LFNG: variants seen among roughly 807,000 people sequenced by gnomAD.
The protein encoded by LFNG is beta-1,3-N-acetylglucosaminyltransferase lunatic fringe.
A neutral mutation model predicts 32.7 loss-of-function variants in LFNG; 15 were observed. The observed-to-expected ratio is 0.46, with a 90% CI of 0.31 to 0.71. LFNG has a LOEUF of 0.71. Ranked by LOEUF, LFNG falls within the 30% of genes least tolerant of loss-of-function variation. The pLI is 0.06. For missense variants in LFNG, 520 were observed against 545.7 expected (o/e 0.95, Z 0.47); for synonymous variants, 274 against 246.8 (o/e 1.11, Z -1.03).
chr7:2,524,663 CT>C (rs1779896323), intron 1 of LFNG, 31 bp from the exon 2 acceptor site: 2 of 1,565,016 alleles, frequency 1.3e-6, no homozygotes, highest in African/African-American at 2.7e-5. Context: ...GGATGAAGGG[CT>C]GCCTGCTGAA....
chr7:2,527,312 G>C lies in LFNG; in HGVS notation c.*100G>C, dbSNP rs548750010. On this transcript the variant is annotated 3_prime_UTR_variant, in exon 8 of 8. Coordinates refer to ENST00000222725, the MANE Select transcript of LFNG (RefSeq NM_001040167.2). This position sits in a 1 kb window ranked among gnomAD's most constrained non-coding sequence, Gnocchi z 4.4. ...GCCTCGGCATTCGAGGCTCCCCTAGGGCCGTGCCTGTGCGTGTGCGTGTGC... is the reference window on the plus strand; with the variant it reads ...GCCTCGGCATTCGAGGCTCCCCTAGCGCCGTGCCTGTGCGTGTGCGTGTGC... 1.3e-6 allele frequency: 2 copies of C among 1,551,966 alleles called. No individual in the cohort carries two copies. Among genetic ancestry groups the C allele is most frequent in the African/African-American group, 1.4e-5 (1 of 72,104 alleles).
chr7:2,515,586 T>A (rs1779610261), upstream of LFNG, among the ~76,000 whole-genome samples: 1 of 152,222 alleles, frequency 6.6e-6, no homozygotes, highest in Non-Finnish European at 1.5e-5. Context: ...TGTCCATGCC[T>A]GACCCCAGAG....
Position 2,528,253 on chromosome 7 carries a change from C to T in LFNG, c.*1041C>T, listed in dbSNP as rs1367747964. The T allele has an allele frequency of 2.0e-6, 2 of 986,076 alleles. No individual in the cohort carries two copies. Among genetic ancestry groups the T allele is most frequent in the Non-Finnish European group, 2.4e-6 (2 of 830,040 alleles). 61.1% of individuals were successfully genotyped at this position (986,076 alleles called of 1,614,324 possible). On this transcript the variant is annotated 3_prime_UTR_variant, in exon 8 of 8. Transcript: ENST00000222725. ...CTGCCCTCCTCCTGTGTAGCTGCCA[C>T]CTCCCCGCTGGGCCCAGCATGGCTC... is the stretch of plus-strand genomic sequence containing the variant.
At chr7:2,513,071 T>A (rs182403359), upstream of LFNG, 102 of 1,329,148 alleles carry the variant, frequency 7.7e-5, 2 homozygotes, top group Middle Eastern at 7.7e-4. Context: ...CCACAGTGGG[T>A]TCTCCCTCGT....
Position 2,519,834 on chromosome 7 carries a change from G to T in LFNG, c.-28G>T. On this transcript the variant is annotated 5_prime_UTR_variant, in exon 1 of 8. The change creates a new upstream start codon in the 5' untranslated region. Transcript: ENST00000222725. ...CGGTGCAAGGCAGGCGCACGGGGAA[G>T]GGCGCGCCGCGCGGCCGCCACCCCA... 3.7e-6 allele frequency: 4 copies of T among 1,074,908 alleles called. No homozygotes were observed. The highest frequency in any genetic ancestry group is 4.5e-6 in the Non-Finnish European group (4 of 887,686). The allele number at this position is 1,074,908 out of a possible 1,614,324, so 66.6% of individuals were successfully genotyped here.
chr7:2,528,149 A>G lies in LFNG; in HGVS notation c.*937A>G. 1 of 985,564 alleles carries G rather than the reference A, an allele frequency of 1.0e-6. No individual in the cohort carries two copies. Among genetic ancestry groups the G allele is most frequent in the Non-Finnish European group, 1.2e-6 (1 of 829,882 alleles). The allele number at this position is 985,564 out of a possible 1,614,324, so 61.1% of individuals were successfully genotyped here. On this transcript the variant is annotated 3_prime_UTR_variant, in exon 8 of 8. Coordinates refer to ENST00000222725, the MANE Select transcript of LFNG (RefSeq NM_001040167.2). ...AAAAACAGAAGCCAAACTCGGGGTC[A>G]TCTTTGTTTTTAAAGCTGAAGTGGG...
upstream of LFNG, among the ~76,000 whole-genome samples, chr7:2,516,919 C>T (rs564222855): frequency 5.9e-5 from 9 of 152,204 alleles, no homozygotes; most frequent in African/African-American, 1.9e-4. Flanking sequence ...CCTCTGGGTT[C>T]GGAAGGCAGG....
At chr7:2,518,436 G>A, upstream of LFNG, 1 of 755,800 alleles carries the variant, frequency 1.3e-6, no homozygotes, top group South Asian at 1.4e-5. Context: ...GGGGCCCTAA[G>A]AGCAAATGGG....
Position 2,527,575 on chromosome 7 carries a change from C to T in LFNG, c.*363C>T, listed in dbSNP as rs1166693920. ...CGGGCTACTTTGCAGGGATGCGATG[C>T]GTAGGTGCCTTTCTCTTCCTGCTGA... On this transcript the variant is annotated 3_prime_UTR_variant, in exon 8 of 8. Transcript: ENST00000222725. This position sits in a 1 kb window ranked among gnomAD's most constrained non-coding sequence, Gnocchi z 4.4. 6 of 1,217,526 alleles carry T rather than the reference C, an allele frequency of 4.9e-6. No individual in the cohort carries two copies. Among genetic ancestry groups the T allele is most frequent in the Non-Finnish European group, 6.2e-6 (6 of 962,260 alleles). 75.4% of individuals were successfully genotyped at this position (1,217,526 alleles called of 1,614,324 possible).
chr7:2,522,357 G>A (rs1405490289), intron 1 of LFNG, among the ~76,000 whole-genome samples: 1 of 152,224 alleles, frequency 6.6e-6, no homozygotes, highest in Non-Finnish European at 1.5e-5. Flanking sequence ...TGGCTGGGGG[G>A]AGGGTCGGTT....
chr7:2,521,417 C>G (rs1173583135), intron 1 of LFNG, among the ~76,000 whole-genome samples: 2 of 152,240 alleles, frequency 1.3e-5, no homozygotes, highest in Non-Finnish European at 2.9e-5. Flanking sequence ...ACGCCGGCCC[C>G]TTGGGCAAGG....
At position 2,527,296 on chromosome 7, in the gene LFNG, T is replaced by C; in HGVS notation, c.*84T>C. On this transcript the variant is annotated 3_prime_UTR_variant, in exon 8 of 8. Coordinates refer to ENST00000222725, the MANE Select transcript of LFNG (RefSeq NM_001040167.2). This position sits in a 1 kb window ranked among gnomAD's most constrained non-coding sequence, Gnocchi z 4.4. ...CTGTTGCGCTGCCCTGGCCTCGGCA[T>C]TCGAGGCTCCCCTAGGGCCGTGCCT... 1.3e-6 allele frequency: 2 copies of C among 1,573,370 alleles called. No homozygotes were observed. The highest frequency in any genetic ancestry group is 1.7e-6 in the Non-Finnish European group (2 of 1,166,648).
upstream of LFNG, chr7:2,513,042 C>T (rs968945054): frequency 3.3e-5 from 33 of 1,004,160 alleles, no homozygotes; most frequent in Admixed American, 1.3e-4. Context: ...CCAGAAGTCC[C>T]CTGCCTCCCA....
chr7:2,518,242 G>C (rs116684032), upstream of LFNG, among the ~76,000 whole-genome samples: 1 of 152,192 alleles, frequency 6.6e-6, no homozygotes, highest in Non-Finnish European at 1.5e-5. Flanking sequence ...CTGGCTGATC[G>C]GAAGGGGTTT....
upstream of LFNG, among the ~76,000 whole-genome samples, chr7:2,517,176 G>T (rs1012149787): frequency 2.0e-5 from 3 of 152,198 alleles, no homozygotes; most frequent in African/African-American, 7.2e-5. Flanking sequence ...TGAGCCTGGG[G>T]AAGCGGGCGG....
chr7:2,525,834 T>C, intron 5 of LFNG, 64 bp downstream of exon 5: 1 of 1,401,524 alleles, frequency 7.1e-7, no homozygotes, highest in Non-Finnish European at 1.0e-6. Flanking sequence ...GGGGCCTGGC[T>C]TAGTTCATCT....
Position 2,525,230 on chromosome 7 carries a change from A to G in LFNG, c.493A>G (p.Ile165Val). 12 of 1,612,830 alleles carry G rather than the reference A, an allele frequency of 7.4e-6. No individual in the cohort carries two copies. The highest frequency in any genetic ancestry group is 1.0e-5 in the Non-Finnish European group (12 of 1,179,860). The part of the protein sequence containing the change: ...ALARHTGNVV[I>V]TNCSAAHSRQ... ...TCCCCTGTCCACAGGCAACGTGGTC[A>G]TCACAAACTGCTCGGCCGCCCACAG... is the stretch of plus-strand genomic sequence containing the variant. The change falls in exon 3 of 8, where the codon ATC (isoleucine) becomes GTC (valine). Residue 165 changes from isoleucine to valine, a missense_variant. Physicochemically the swap from Ile to Val is conservative, Grantham distance 29. Coordinates refer to ENST00000222725, the MANE Select transcript of LFNG (RefSeq NM_001040167.2).
chr7:2,527,117 G>A lies in LFNG; in HGVS notation c.1074-29G>A, dbSNP rs1054714195. 1.6e-5 allele frequency: 26 copies of A among 1,603,384 alleles called. No individual in the cohort carries two copies. The highest frequency in any genetic ancestry group is 6.7e-5 in the African/African-American group (5 of 74,666). ...AGCTCAGCACCTGCCTGCCACCCAC[G>A]CAGACCAGCCCCTGCTCTGTTCCCA... On this transcript the variant is annotated intron_variant, in intron 7 of 7. Transcript: ENST00000222725. The surrounding 1 kb of genome is among the most constrained non-coding windows in gnomAD (Gnocchi z 4.4).
upstream of LFNG, chr7:2,513,429 G>A (rs1044516688): frequency 1.4e-5 from 18 of 1,315,854 alleles, no homozygotes; most frequent in African/African-American, 2.7e-4. Context: ...ATCCTTTCAA[G>A]GGGGAAAGAT....
Sources: allele counts gnomAD v4.1 joint callset (sites outside exome capture counted in the v4.1 genomes callset), GRCh38; gene constraint gnomAD v4.1.1; non-coding constraint Gnocchi (gnomAD v3.1); transcripts MANE v1.5; gene names NCBI Gene and HGNC (gene_info 2026-07-23, HGNC 2026-07-21).